Variants in TAF3 observed in about 807,000 individuals in gnomAD.
The protein encoded by TAF3 is TATA-box binding protein associated factor 3, also known as transcription initiation factor TFIID subunit 3.
In TAF3, 7 loss-of-function variants were observed where a neutral mutation model predicts 80.6. That is an observed-to-expected ratio of 0.09 (90% CI 0.05 to 0.16). The LOEUF (loss-of-function observed/expected upper bound fraction) is 0.16, where lower values mean the gene tolerates loss of function less well. TAF3 is among the 10% of genes least tolerant of loss of function. The pLI is 1.00. For synonymous variants in TAF3, 444 were observed against 446.1 expected, an observed-to-expected ratio of 1.00 and a Z score of 0.06; for missense variants, 921 against 1,140.2, an observed-to-expected ratio of 0.81 and a Z score of 2.77.
chr10:7,998,775 G>A (rs553852419), intron 4 of TAF3, among the ~76,000 whole-genome samples: 2 of 151,700 alleles, frequency 1.3e-5, no homozygotes, highest in Non-Finnish European at 2.9e-5. Context: ...GGAGGTGGAG[G>A]TTGCAGTGAG....
chr10:7,842,100 A>G (rs1366954047), intron 2 of TAF3, among the ~76,000 whole-genome samples: 2 of 146,018 alleles, frequency 1.4e-5, no homozygotes, highest in Admixed American at 6.9e-5. Flanking sequence ...TGAGTACCCT[A>G]TTTAATTAAA....
At chr10:7,930,712 T>C (rs1837860406) in intron 2 of TAF3, among the ~76,000 whole-genome samples, 2 of 152,146 alleles carry the variant, frequency 1.3e-5, no homozygotes, top group African/African-American at 2.4e-5. Context: ...AGAATCCAGG[T>C]GAGAAAATAA....
chr10:7,983,077 A>C (rs1383593047), intron 4 of TAF3, among the ~76,000 whole-genome samples: 3 of 151,942 alleles, frequency 2.0e-5, no homozygotes, highest in Non-Finnish European at 4.4e-5. Flanking sequence ...AGGCTTGCCA[A>C]GTATCCTAGG....
chr10:7,825,235 A>G (rs1836728565), intron 2 of TAF3, among the ~76,000 whole-genome samples: 4 of 152,220 alleles, frequency 2.6e-5, no homozygotes. Flanking sequence ...AAGAGTTGGA[A>G]AAGTTGCAAT....
At chr10:7,848,528 C>CAG (rs1310540411) in intron 2 of TAF3, among the ~76,000 whole-genome samples, 29 of 152,168 alleles carry the variant, frequency 1.9e-4, no homozygotes, top group African/African-American at 7.0e-4. Context: ...AGTCATCAGC[C>CAG]AGCAACCCCT....
At chr10:7,861,567 A>T (rs565393293) in intron 2 of TAF3, among the ~76,000 whole-genome samples, 1 of 152,190 alleles carries the variant, frequency 6.6e-6, no homozygotes, top group East Asian at 1.9e-4. Flanking sequence ...ATAAAAAATG[A>T]TTATATAATT....
intron 2 of TAF3, among the ~76,000 whole-genome samples, chr10:7,900,620 A>G (rs1329510152): frequency 6.6e-6 from 1 of 152,234 alleles, no homozygotes; most frequent in Non-Finnish European, 1.5e-5. Flanking sequence ...AGGAAAAGGT[A>G]GAAAGTTATG....
intron 2 of TAF3, among the ~76,000 whole-genome samples, chr10:7,937,822 AG>A (rs1324845374): frequency 6.6e-6 from 1 of 152,214 alleles, no homozygotes. Context: ...TAGCTAGAAA[AG>A]GGGTACTTTT....
intron 2 of TAF3, among the ~76,000 whole-genome samples, chr10:7,962,561 A>G (rs2131411241): frequency 6.6e-6 from 1 of 152,220 alleles, no homozygotes; most frequent in South Asian, 2.1e-4. Context: ...CTTGCACTCT[A>G]CTTTCCAGAC....
chr10:7,872,746 C>T (rs569979783), intron 2 of TAF3, among the ~76,000 whole-genome samples: 5 of 152,262 alleles, frequency 3.3e-5, no homozygotes, highest in South Asian at 2.1e-4. Flanking sequence ...TTCTTTTTCA[C>T]GCTGCCTTAA....
intron 2 of TAF3, among the ~76,000 whole-genome samples, chr10:7,837,115 C>T (rs1374131486): frequency 1.3e-5 from 2 of 152,204 alleles, no homozygotes; most frequent in African/African-American, 4.8e-5. Context: ...GTGATCCCAG[C>T]ACTTTGGGAG....
chr10:7,948,141 C>T (rs527563024), intron 2 of TAF3, among the ~76,000 whole-genome samples: 5 of 151,676 alleles, frequency 3.3e-5, no homozygotes, highest in Admixed American at 3.3e-4. Flanking sequence ...TAGTTCACTG[C>T]GACCTCGAAC....
At chr10:7,958,820 T>G (rs1838161667) in intron 2 of TAF3, among the ~76,000 whole-genome samples, 1 of 152,216 alleles carries the variant, frequency 6.6e-6, no homozygotes, top group East Asian at 1.9e-4. Flanking sequence ...TCTTCACACT[T>G]TTTCCTTTTC....
chr10:7,973,522 A>G (rs1831640452), intron 3 of TAF3, among the ~76,000 whole-genome samples: 1 of 152,204 alleles, frequency 6.6e-6, no homozygotes. Flanking sequence ...GTGACCTCAG[A>G]AGAGAAAAGG....
At position 7,845,293 on chromosome 10, in the gene TAF3, G is replaced by A. The variant is rs930220309; in HGVS notation, c.409+20733G>A. ...TAACTGCTGTTATTTTTTTGACGCC[G>A]CCCTCCAGGTCTTTGTGTGTGTGCG... On this transcript the variant is annotated intron_variant, in intron 2 of 6. Coordinates refer to ENST00000344293, the MANE Select transcript of TAF3 (RefSeq NM_031923.4). Among the ~76,000 whole-genome samples the A allele has an allele frequency of 4.6e-5, 7 of 151,160 alleles. No individual in the cohort carries two copies. The East Asian group carries it at 7.7e-4, about 17-fold the overall frequency.
At chr10:7,872,444 A>C (rs1837276603) in intron 2 of TAF3, among the ~76,000 whole-genome samples, 2 of 152,278 alleles carry the variant, frequency 1.3e-5, no homozygotes, top group South Asian at 4.1e-4. Context: ...AAATATAGGA[A>C]GTTATATTGC....
intron 2 of TAF3, among the ~76,000 whole-genome samples, chr10:7,936,338 C>T (rs1837920140): frequency 6.6e-6 from 1 of 151,860 alleles, no homozygotes; most frequent in Non-Finnish European, 1.5e-5. Flanking sequence ...AAATGTCATC[C>T]CTGGGAGCTT....
chr10:7,846,976 C>CTAA (rs1836978784), intron 2 of TAF3, among the ~76,000 whole-genome samples: 1 of 152,116 alleles, frequency 6.6e-6, no homozygotes, highest in African/African-American at 2.4e-5. Context: ...GAAACACCTT[C>CTAA]TTTTTAGTCT....
chr10:7,957,659 A>G (rs1306251620), intron 2 of TAF3, among the ~76,000 whole-genome samples: 1 of 152,172 alleles, frequency 6.6e-6, no homozygotes, highest in African/African-American at 2.4e-5. Context: ...TTTCTCACAT[A>G]TGTACAGAAG....
Sources: allele counts gnomAD v4.1 joint callset (sites outside exome capture counted in the v4.1 genomes callset), GRCh38; gene constraint gnomAD v4.1.1; transcripts MANE v1.5; gene names NCBI Gene and HGNC (gene_info 2026-07-23, HGNC 2026-07-21).